SPRYD7: variants seen among roughly 807,000 people sequenced by gnomAD.
SPRYD7 encodes SPRY domain-containing protein 7.
SPRYD7 carries 14 observed loss-of-function variants against 23.8 expected under a neutral mutation model. The observed-to-expected ratio is 0.59, with a 90% CI of 0.39 to 0.92. The LOEUF is 0.92. Ranked by LOEUF, SPRYD7 falls within the 40% of genes least tolerant of loss-of-function variation. The probability of loss-of-function intolerance (pLI) is 0.00; values close to 1 mark genes in which losing one functional copy is unlikely to be tolerated. For synonymous variants in SPRYD7, 75 were observed against 84.9 expected (o/e 0.88, Z 0.64); for missense variants, 194 against 241.7 (o/e 0.80, Z 1.31).
intron 4 of SPRYD7, among the ~76,000 whole-genome samples, chr13:49,918,765 A>G (rs146546732): frequency 0.011 from 1,663 of 151,036 alleles, 34 homozygotes; most frequent in African/African-American, 0.039. Context: ...CCCAGGCTGG[A>G]GTGCAATGGC....
chr13:49,934,661 T>C (rs1871535908), intron 1 of SPRYD7, among the ~76,000 whole-genome samples: 3 of 152,118 alleles, frequency 2.0e-5, no homozygotes, highest in African/African-American at 7.2e-5. Flanking sequence ...AGCTGACAGT[T>C]GCTGGACAGC....
At chr13:49,924,960 G>C (rs1422912823) in intron 3 of SPRYD7, among the ~76,000 whole-genome samples, 1 of 131,368 alleles carries the variant, frequency 7.6e-6, no homozygotes, top group Non-Finnish European at 1.6e-5. Context: ...TGGGCAACAA[G>C]AGCAAAACTC....
At chr13:49,922,182 T>C (rs760613138) in intron 3 of SPRYD7, among the ~76,000 whole-genome samples, 5 of 151,752 alleles carry the variant, frequency 3.3e-5, no homozygotes, top group Non-Finnish European at 2.9e-5. Context: ...ACAAAAATAG[T>C]AGCTCAAATG....
chr13:49,927,797 C>G (rs1955898956), intron 3 of SPRYD7, 122 bp downstream of exon 3: 2 of 1,005,636 alleles, frequency 2.0e-6, no homozygotes, highest in African/African-American at 3.2e-5. Context: ...TGCACCATCT[C>G]ATTAGATCCA....
intron 2 of SPRYD7, among the ~76,000 whole-genome samples, chr13:49,929,764 G>GA: frequency 1.4e-5 from 2 of 147,552 alleles, no homozygotes; most frequent in South Asian, 2.2e-4. Flanking sequence ...AAAGTGCTGG[G>GA]TTACAGGCGT....
chr13:49,926,348 T>C (rs1164553236), intron 3 of SPRYD7, among the ~76,000 whole-genome samples: 1 of 152,236 alleles, frequency 6.6e-6, no homozygotes, highest in East Asian at 1.9e-4. Context: ...TTATCCTTTC[T>C]TATGTTTGAA....
intron 3 of SPRYD7, 22 bp from the exon 4 acceptor site, chr13:49,921,602 C>T (rs1204797447): frequency 5.5e-6 from 8 of 1,463,736 alleles, no homozygotes; most frequent in Non-Finnish European, 7.7e-6. Flanking sequence ...AAAACAGAAA[C>T]GTTCCATAAA....
intron 3 of SPRYD7, among the ~76,000 whole-genome samples, chr13:49,925,494 T>C (rs1224219223): frequency 6.6e-6 from 1 of 151,796 alleles, no homozygotes. Context: ...GAATGAAATT[T>C]GTACTTTTCA....
At chr13:49,920,688 C>T (rs1049731136) in intron 4 of SPRYD7, among the ~76,000 whole-genome samples, 1 of 152,130 alleles carries the variant, frequency 6.6e-6, no homozygotes, top group Non-Finnish European at 1.5e-5. Context: ...TGGCTGGGCA[C>T]GGTGACTTAT....
At chr13:49,930,659 G>A (rs1375211047) in intron 2 of SPRYD7, among the ~76,000 whole-genome samples, 1 of 152,098 alleles carries the variant, frequency 6.6e-6, no homozygotes, top group Non-Finnish European at 1.5e-5. Flanking sequence ...AGTATATGCT[G>A]CTTATATGTT....
chr13:49,931,206 G>A, intron 1 of SPRYD7, 72 bp from the exon 2 acceptor site: 1 of 961,256 alleles, frequency 1.0e-6, no homozygotes, highest in Non-Finnish European at 1.5e-6. Context: ...TTGAGACGGA[G>A]TCTTGCTCTG....
At chr13:49,921,623 T>TC (rs2138220450) in intron 3 of SPRYD7, 43 bp from the exon 4 acceptor site, 1 of 1,230,120 alleles carries the variant, frequency 8.1e-7, no homozygotes, top group East Asian at 2.3e-5. Context: ...AGCTGAGCCG[T>TC]CAGAAAGCAT....
At position 49,921,461 on chromosome 13, in the gene SPRYD7, G is replaced by A. The variant is rs762052005; in HGVS notation, c.493+17C>T. The A allele has an allele frequency of 6.8e-6, 10 of 1,478,692 alleles. No homozygotes were observed. In the African/African-American group the frequency reaches 8.3e-5, roughly 12 times the overall value. 91.6% of individuals were successfully genotyped at this position (1,478,692 alleles called of 1,614,324 possible). ...TTAATATGTATGTAATAATACATTA[G>A]AAATATTTTTGCTTACCATAAACAA... On this transcript the variant is annotated intron_variant, in intron 4 of 4. Transcript: ENST00000361840.
chr13:49,932,554 G>A (rs1871435195), intron 1 of SPRYD7, among the ~76,000 whole-genome samples: 1 of 152,098 alleles, frequency 6.6e-6, no homozygotes, highest in Non-Finnish European at 1.5e-5. Context: ...TAATATGTAA[G>A]AAATAGCCCA....
chr13:49,924,314 C>T (rs572199023), intron 3 of SPRYD7, among the ~76,000 whole-genome samples: 134 of 151,862 alleles, frequency 8.8e-4, no homozygotes, highest in African/African-American at 3.2e-3. Context: ...CTGTGTGGCC[C>T]AGGTTGGGTG....
In SPRYD7 at chr13:49,914,140, A is replaced by G. The variant is rs1488376467; in HGVS notation, c.*923T>C. 1.3e-5 allele frequency: 2 copies of G among 153,776 alleles called. No individual in the cohort carries two copies. The highest frequency in any genetic ancestry group is 2.9e-5 in the Non-Finnish European group (2 of 68,052). 9.5% of individuals were successfully genotyped at this position (153,776 alleles called of 1,614,324 possible). A position where few individuals can be genotyped will look rare whatever the true frequency, so the allele number is the denominator to read the frequency against. ...ACAGGGCGTTAACTAAAGGACAGTG[A>G]TTCTTAAGAACCAGGCAAAGACTCA... On this transcript the variant is annotated 3_prime_UTR_variant, in exon 5 of 5. Transcript: ENST00000361840.
intron 4 of SPRYD7, among the ~76,000 whole-genome samples, chr13:49,918,186 T>C (rs1342601339): frequency 1.3e-5 from 2 of 152,062 alleles, no homozygotes; most frequent in East Asian, 1.9e-4. Context: ...GCTCAGCCTC[T>C]CAAGTAGCTG....
chr13:49,934,639 C>T (rs550215528), intron 1 of SPRYD7, among the ~76,000 whole-genome samples: 29 of 150,948 alleles, frequency 1.9e-4, no homozygotes, highest in Non-Finnish European at 3.8e-4. Flanking sequence ...TACTCTATTT[C>T]ATCCAGTTAG....
intron 4 of SPRYD7, among the ~76,000 whole-genome samples, chr13:49,916,548 C>T (rs977032434): frequency 1.5e-4 from 22 of 151,488 alleles, no homozygotes; most frequent in Admixed American, 1.1e-3. Flanking sequence ...AACCCCCCAC[C>T]GTGACACCAG....
Sources: gnomAD v4.1 joint callset for allele counts (sites outside exome capture counted in the v4.1 genomes callset) on GRCh38, gnomAD v4.1.1 for gene constraint, MANE v1.5 for transcripts, NCBI Gene and HGNC (gene_info 2026-07-23, HGNC 2026-07-21) for gene names.